The following SLC9A9 variants were observed in gnomAD, a reference collection of about 807,000 sequenced individuals.
SLC9A9 encodes solute carrier family 9 member A9.
A neutral mutation model predicts 77.8 loss-of-function variants in SLC9A9; 62 were observed. That is an observed-to-expected ratio of 0.80 (90% CI 0.65 to 0.98). The LOEUF is 0.98. Among genes scored for constraint, SLC9A9 ranks in the 50% least tolerant of loss-of-function variants. The pLI is 0.00. For missense variants in SLC9A9, 775 were observed against 774.9 expected (o/e 1.00, Z 0.00); for synonymous variants, 320 against 283.5 (o/e 1.13, Z -1.29).
intron 5 of SLC9A9, among the ~76,000 whole-genome samples, chr3:143,672,506 C>T (rs760249686): frequency 4.6e-5 from 7 of 152,064 alleles, no homozygotes; most frequent in African/African-American, 1.4e-4. Context: ...AATCTTTCTC[C>T]GGTGTTAGAA....
Position 143,578,607 on chromosome 3 carries a change from G to A in SLC9A9, c.872C>T (p.Ala291Val), listed in dbSNP as rs142411857. 3.1e-5 allele frequency: 50 copies of A among 1,613,848 alleles called. No homozygotes were observed. Among genetic ancestry groups the A allele is most frequent in the Middle Eastern group, 1.6e-4 (1 of 6,082 alleles). The change falls in exon 7 of 16, where the codon GCG becomes GTG. Residue 291 changes from alanine to valine, a missense_variant. Transcript: ENST00000316549. ...TATCAGTGCTGTGATGATGGCATAC[G>A]CAGACCCCATTGCAAATGAGCCAGC... ...IFAGSFAMGSAYAIITALLTK... is the reference protein window; with the variant it reads ...IFAGSFAMGSVYAIITALLTK...
At chr3:143,424,305 C>A (rs550668267) in intron 12 of SLC9A9, among the ~76,000 whole-genome samples, 11 of 149,720 alleles carry the variant, frequency 7.3e-5, no homozygotes, top group African/African-American at 2.5e-4. Context: ...CTCACTCTGT[C>A]ACCCAGGCTG....
At chr3:143,671,996 T>C (rs927015924) in intron 5 of SLC9A9, among the ~76,000 whole-genome samples, 8 of 152,246 alleles carry the variant, frequency 5.3e-5, no homozygotes, top group South Asian at 4.1e-4. Context: ...CATCCAACTT[T>C]CTTTATAGAT....
chr3:143,694,192 G>T (rs112143700), intron 4 of SLC9A9, among the ~76,000 whole-genome samples: 10 of 151,902 alleles, frequency 6.6e-5, no homozygotes, highest in African/African-American at 2.4e-4. Context: ...TCAGGTTTTG[G>T]GCATAGCTAA....
chr3:143,483,580 A>G (rs1295640972), intron 11 of SLC9A9, among the ~76,000 whole-genome samples: 1 of 152,222 alleles, frequency 6.6e-6, no homozygotes, highest in Non-Finnish European at 1.5e-5. Flanking sequence ...AATACAAAAT[A>G]TCTTACTTAT....
At chr3:143,741,212 G>C (rs1576694627) in intron 4 of SLC9A9, among the ~76,000 whole-genome samples, 1 of 152,060 alleles carries the variant, frequency 6.6e-6, no homozygotes, top group African/African-American at 2.4e-5. Flanking sequence ...ACACTGGGTA[G>C]GAAATATATA....
chr3:143,573,715 A>G (rs919203067), intron 8 of SLC9A9, among the ~76,000 whole-genome samples: 1 of 152,140 alleles, frequency 6.6e-6, no homozygotes, highest in African/African-American at 2.4e-5. Context: ...CCTACTGTTA[A>G]GAGCCACTGA....
intron 4 of SLC9A9, among the ~76,000 whole-genome samples, chr3:143,735,311 G>A (rs1304694091): frequency 6.6e-6 from 1 of 152,056 alleles, no homozygotes; most frequent in Admixed American, 6.5e-5. Flanking sequence ...AAAATAAAAA[G>A]GACTCCTGTC....
chr3:143,517,652 C>CT (rs1166299453), intron 9 of SLC9A9: 2 of 1,597,172 alleles, frequency 1.3e-6, no homozygotes, highest in Non-Finnish European at 1.7e-6. Flanking sequence ...GCCTAGAAGT[C>CT]TGTGTGCTTT....
At chr3:143,686,393 G>A (rs1185168659) in intron 5 of SLC9A9, among the ~76,000 whole-genome samples, 2 of 152,124 alleles carry the variant, frequency 1.3e-5, no homozygotes, top group Non-Finnish European at 2.9e-5. Flanking sequence ...TAGTGATGTG[G>A]AGGAAAGTAA....
intron 14 of SLC9A9, among the ~76,000 whole-genome samples, chr3:143,336,374 A>C (rs185266341): frequency 6.2e-4 from 95 of 152,318 alleles, no homozygotes; most frequent in African/African-American, 2.2e-3. Context: ...ATGATTTAGC[A>C]ATCCCACTTC....
At position 143,434,001 on chromosome 3, in the gene SLC9A9, C is replaced by T. The variant is rs142734213; in HGVS notation, c.1469+33036G>A. On this transcript the variant is annotated intron_variant, in intron 12 of 15. Coordinates refer to ENST00000316549, the MANE Select transcript of SLC9A9 (RefSeq NM_173653.4). ...GAAGCTTTCCTGGCTCTGTCACCTA[C>T]CTCTTAACTTCATCTCTCTGGGTCT... 1.9e-3 allele frequency among the ~76,000 whole-genome samples: 288 copies of T among 152,300 alleles called. 2 individuals carry two copies. The highest frequency in any genetic ancestry group is 0.017 in the Middle Eastern group (5 of 294).
intron 12 of SLC9A9, among the ~76,000 whole-genome samples, chr3:143,401,846 T>C (rs2033867844): frequency 6.6e-6 from 1 of 152,188 alleles, no homozygotes; most frequent in South Asian, 2.1e-4. Flanking sequence ...TTATGATGCC[T>C]TAAATCAAAA....
chr3:143,774,295 G>A (rs2108842255), intron 4 of SLC9A9, among the ~76,000 whole-genome samples: 1 of 152,268 alleles, frequency 6.6e-6, no homozygotes, highest in Middle Eastern at 3.4e-3. Flanking sequence ...CGCCTTTACT[G>A]GGCCCAGTGA....
chr3:143,729,150 A>G (rs1055935583), intron 4 of SLC9A9, among the ~76,000 whole-genome samples: 3 of 152,096 alleles, frequency 2.0e-5, no homozygotes, highest in Non-Finnish European at 4.4e-5. Flanking sequence ...TCATTTTTTA[A>G]AACTTAACTT....
chr3:143,367,690 G>A (rs1043824546), intron 13 of SLC9A9, among the ~76,000 whole-genome samples: 9 of 152,156 alleles, frequency 5.9e-5, no homozygotes, highest in African/African-American at 2.2e-4. Context: ...GATGGGCAGC[G>A]GACAGCAGGT....
At chr3:143,419,115 T>C (rs1036437905) in intron 12 of SLC9A9, among the ~76,000 whole-genome samples, 2 of 152,218 alleles carry the variant, frequency 1.3e-5, no homozygotes, top group Non-Finnish European at 2.9e-5. Flanking sequence ...TCTTAGTTTA[T>C]GTGACTTTGG....
intron 4 of SLC9A9, among the ~76,000 whole-genome samples, chr3:143,715,325 T>C (rs535510341): frequency 1.3e-5 from 2 of 152,304 alleles, no homozygotes; most frequent in Admixed American, 1.3e-4. Flanking sequence ...AATGACTTCA[T>C]CTCTTTTGAC....
chr3:143,342,001 G>A (rs2032113769), intron 14 of SLC9A9, among the ~76,000 whole-genome samples: 1 of 152,144 alleles, frequency 6.6e-6, no homozygotes, highest in African/African-American at 2.4e-5. Context: ...AACTACCTCT[G>A]GATGTGGAGC....
Sources: gnomAD v4.1 joint callset for allele counts (sites outside exome capture counted in the v4.1 genomes callset) on GRCh38, gnomAD v4.1.1 for gene constraint, MANE v1.5 for transcripts, NCBI Gene and HGNC (gene_info 2026-07-23, HGNC 2026-07-21) for gene names.